Variants in GLIS3 observed in about 807,000 individuals in gnomAD.
GLIS3 encodes the protein zinc finger protein GLIS3.
In GLIS3, 53 loss-of-function variants were observed where a neutral mutation model predicts 78.6. That is an observed-to-expected ratio of 0.67 (90% confidence interval 0.54 to 0.85). The LOEUF is 0.85. Among genes scored for constraint, GLIS3 ranks in the 40% least tolerant of loss-of-function variants. GLIS3 has a pLI of 0.00. For synonymous variants in GLIS3, 684 were observed against 509.9 expected, an observed-to-expected ratio of 1.34 and a Z score of -4.60; for missense variants, 1,703 against 1,231.1, an observed-to-expected ratio of 1.38 and a Z score of -5.74.
intron 9 of GLIS3, among the ~76,000 whole-genome samples, chr9:3,852,733 A>G (rs1046228398): frequency 8.2e-5 from 12 of 145,596 alleles, no homozygotes; most frequent in Admixed American, 2.2e-4. Flanking sequence ...ATTAACTACT[A>G]GCAGTGGACC....
chr9:4,170,899 A>C (rs1816318462), intron 2 of GLIS3, among the ~76,000 whole-genome samples: 2 of 152,212 alleles, frequency 1.3e-5, no homozygotes, highest in Non-Finnish European at 2.9e-5. Context: ...CAGGCAGGAA[A>C]CACAATGAAG....
chr9:4,234,603 T>C (rs925738665), intron 2 of GLIS3, among the ~76,000 whole-genome samples: 5 of 152,176 alleles, frequency 3.3e-5, no homozygotes, highest in Non-Finnish European at 7.3e-5. Context: ...GTTTGAAATA[T>C]TACTAGAATT....
intron 2 of GLIS3, among the ~76,000 whole-genome samples, chr9:4,191,496 G>A (rs918548862): frequency 3.9e-5 from 6 of 152,248 alleles, no homozygotes; most frequent in South Asian, 2.1e-4. Flanking sequence ...TGTAATTTGA[G>A]GAGTTTTTAC....
chr9:4,211,086 T>C (rs1293780276), intron 2 of GLIS3, among the ~76,000 whole-genome samples: 1 of 152,230 alleles, frequency 6.6e-6, no homozygotes, highest in Non-Finnish European at 1.5e-5. Flanking sequence ...CAAGGCTAAA[T>C]TCCTTGAGCA....
intron 4 of GLIS3, among the ~76,000 whole-genome samples, chr9:4,074,049 T>C (rs899078884): frequency 6.6e-6 from 1 of 152,184 alleles, no homozygotes; most frequent in African/African-American, 2.4e-5. Flanking sequence ...ACTCCAAGCA[T>C]TTCCTCCCAC....
At chr9:4,474,697 ATT>A in the GLIS3 span, among the ~76,000 whole-genome samples, 2,374 of 128,272 alleles carry the variant, frequency 0.019, 37 homozygotes, top group African/African-American at 0.058. Flanking sequence ...GTCCAAAGCA[ATT>A]TTTTTTTTTT....
At chr9:4,215,501 A>T (rs1170474664) in intron 2 of GLIS3, among the ~76,000 whole-genome samples, 2 of 152,196 alleles carry the variant, frequency 1.3e-5, no homozygotes, top group African/African-American at 4.8e-5. Flanking sequence ...GTTTGGTCTT[A>T]TTACAACTCT....
At chr9:3,875,021 G>T (rs1821223767) in intron 8 of GLIS3, among the ~76,000 whole-genome samples, 4 of 152,144 alleles carry the variant, frequency 2.6e-5, no homozygotes, top group Admixed American at 2.6e-4. Context: ...AAACTCAGAG[G>T]ATTTATTCTT....
chr9:4,265,538 G>T (rs564033748), intron 2 of GLIS3, among the ~76,000 whole-genome samples: 2 of 152,074 alleles, frequency 1.3e-5, no homozygotes, highest in African/African-American at 4.8e-5. Flanking sequence ...TCCAGAAAGT[G>T]GGATGATCAA....
intron 2 of GLIS3, among the ~76,000 whole-genome samples, chr9:4,243,950 A>G (rs1320405329): frequency 6.6e-6 from 1 of 152,232 alleles, no homozygotes; most frequent in Non-Finnish European, 1.5e-5. Context: ...TTTTTGTATT[A>G]CAACAAAATG....
intron 4 of GLIS3, among the ~76,000 whole-genome samples, chr9:4,055,046 AT>A (rs34914040): frequency 0.3 from 45,262 of 152,036 alleles, 7,751 homozygotes; most frequent in East Asian, 0.4. Flanking sequence ...TTAAAATTGT[AT>A]TTTCCTCTTT....
chr9:4,213,451 A>G (rs1820545439), intron 2 of GLIS3, among the ~76,000 whole-genome samples: 2 of 152,246 alleles, frequency 1.3e-5, no homozygotes, highest in African/African-American at 4.8e-5. Context: ...ACTGTCCAGT[A>G]GAACTTCTGA....
intron 6 of GLIS3, among the ~76,000 whole-genome samples, chr9:3,920,152 C>T (rs931854604): frequency 1.8e-4 from 28 of 151,878 alleles, no homozygotes; most frequent in African/African-American, 3.9e-4. Context: ...TACAGGCGCC[C>T]GCCACCACAC....
the GLIS3 span, among the ~76,000 whole-genome samples, chr9:4,397,682 G>A: frequency 3.6e-4 from 2 of 5,618 alleles, no homozygotes; most frequent in African/African-American, 4.7e-4. Flanking sequence ...GGGAGGAAGG[G>A]AGGGAGGGAG....
intron 4 of GLIS3, among the ~76,000 whole-genome samples, chr9:3,938,301 G>C (rs1392574099): frequency 1.3e-5 from 2 of 152,176 alleles, no homozygotes; most frequent in Non-Finnish European, 2.9e-5. Context: ...ACTTCTTATA[G>C]AGGAATGCAG....
intron 4 of GLIS3, among the ~76,000 whole-genome samples, chr9:4,047,234 G>A (rs911349677): frequency 1.3e-5 from 2 of 152,218 alleles, no homozygotes; most frequent in African/African-American, 4.8e-5. Context: ...CAGCTAAGAC[G>A]TGACTACTTT....
chr9:4,342,033 T>A (rs1471400882), intron 2 of GLIS3, among the ~76,000 whole-genome samples: 3 of 152,230 alleles, frequency 2.0e-5, no homozygotes, highest in African/African-American at 7.2e-5. Context: ...AAATATTTTC[T>A]CCCATTCTGT....
At chr9:3,980,185 A>T (rs926986026) in intron 4 of GLIS3, among the ~76,000 whole-genome samples, 1 of 152,202 alleles carries the variant, frequency 6.6e-6, no homozygotes, top group Non-Finnish European at 1.5e-5. Flanking sequence ...GCTTAAAAAG[A>T]AAAAAATTTT....
At chr9:3,872,143 G>C (rs764033836) in intron 8 of GLIS3, among the ~76,000 whole-genome samples, 1 of 152,154 alleles carries the variant, frequency 6.6e-6, no homozygotes, top group African/African-American at 2.4e-5. Context: ...TTCCCAACAA[G>C]TTCCTCATTT....
Sources: gnomAD v4.1 joint callset for allele counts (sites outside exome capture counted in the v4.1 genomes callset) on GRCh38, gnomAD v4.1.1 for gene constraint, MANE v1.5 for transcripts, NCBI Gene and HGNC (gene_info 2026-07-23, HGNC 2026-07-21) for gene names.